The following TRAPPC6A variants were observed in gnomAD, a reference collection of about 807,000 sequenced individuals.
TRAPPC6A encodes trafficking protein particle complex subunit 6A, also known as TRAPP complex subunit 6A.
Under a neutral mutation model 20.8 loss-of-function variants are expected in TRAPPC6A, and 25 were observed. The observed-to-expected ratio is 1.20, with a 90% CI of 0.88 to 1.68. The LOEUF (loss-of-function observed/expected upper bound fraction) is 1.68, where lower values mean the gene tolerates loss of function less well. Among genes scored for constraint, TRAPPC6A ranks in the 40% most tolerant of loss-of-function variants. TRAPPC6A has a pLI of 0.00. For missense variants in TRAPPC6A, 215 were observed against 211.6 expected, an observed-to-expected ratio of 1.02 and a Z score of -0.10; for synonymous variants, 96 against 93.3, an observed-to-expected ratio of 1.03 and a Z score of -0.16.
At chr19:45,171,127 C>A (rs1969259205) in intron 1 of TRAPPC6A, among the ~76,000 whole-genome samples, 1 of 152,184 alleles carries the variant, frequency 6.6e-6, no homozygotes, top group Non-Finnish European at 1.5e-5. Context: ...CATGGCAAAA[C>A]CCTGTCTCTA....
In TRAPPC6A at chr19:45,163,977, G is replaced by A. The variant is rs752386950; in HGVS notation, c.387C>T (p.Gly129=). Residue 129 remains glycine (G), a synonymous_variant, in exon 5 of 6, where the codon GGC becomes GGT. Coordinates refer to ENST00000585934, the MANE Select transcript of TRAPPC6A (RefSeq NM_001270891.2). This position sits in a 1 kb window ranked among gnomAD's most constrained non-coding sequence, Gnocchi z 5.3. ...TCTCAATGCCCAGGGTATAGAGGGC[G>A]CCGCGCAGGAGGCCGCAGGTGAAGG... The part of the protein sequence containing the change: ...FLAFTCGLLR[G]ALYTLGIESV... 13 of 1,579,462 alleles carry A rather than the reference G, an allele frequency of 8.2e-6. No individual in the cohort carries two copies. The Admixed American group carries it at 9.4e-5, about 11-fold the overall frequency.
Position 45,173,464 on chromosome 19 carries a change from G to A in TRAPPC6A, c.84+4671C>T, listed in dbSNP as rs959066027. On this transcript the variant is annotated intron_variant, in intron 1 of 5. Transcript: ENST00000585934. The surrounding 1 kb of genome is among the most constrained non-coding windows in gnomAD (Gnocchi z 4.8). ...GAAGCTGGTGGGAAAGGCGGCCTGC[G>A]CTACCCAGAAGCCCTGGGGCCAGAA... Among the ~76,000 whole-genome samples the A allele has an allele frequency of 3.3e-5, 5 of 152,212 alleles. No individual in the cohort carries two copies. Among genetic ancestry groups the A allele is most frequent in the African/African-American group, 4.8e-5 (2 of 41,450 alleles).
Position 45,173,697 on chromosome 19 carries a change from G to A in TRAPPC6A, c.84+4438C>T, listed in dbSNP as rs1463946868. Among the ~76,000 whole-genome samples the A allele has an allele frequency of 1.3e-5, 2 of 152,192 alleles. No individual in the cohort carries two copies. The highest frequency in any genetic ancestry group is 6.5e-5 in the Admixed American group (1 of 15,278). The stretch of plus-strand genomic sequence containing the variant: ...CCCTTTTGGGCCAAAGAGAAGGAAT[G>A]GAGAGAGGAGGTGGGGCCAATAAAG... On this transcript the variant is annotated intron_variant, in intron 1 of 5. Coordinates refer to ENST00000585934, the MANE Select transcript of TRAPPC6A (RefSeq NM_001270891.2). The surrounding 1 kb of genome is among the most constrained non-coding windows in gnomAD (Gnocchi z 4.8).
rs777506899 is a variant in TRAPPC6A at position 45,165,008 on chromosome 19, G to A, written c.153-38C>T. ...TACCAAGCTGAGGCCGTGGGGCCAGGCCAGGAAGAGGGAGGAAGACAGGCC... is the reference window on the plus strand; with the variant it reads ...TACCAAGCTGAGGCCGTGGGGCCAGACCAGGAAGAGGGAGGAAGACAGGCC... On this transcript the variant is annotated intron_variant, in intron 2 of 5. Transcript: ENST00000585934. The A allele has an allele frequency of 1.9e-6, 3 of 1,611,106 alleles. No individual in the cohort carries two copies. The South Asian group carries it at 3.3e-5, about 18-fold the overall frequency.
At position 45,164,978 on chromosome 19, in the gene TRAPPC6A, G is replaced by C. The variant is rs1165122974; in HGVS notation, c.153-8C>G. ...AGCGTCTCCCGGGGCAGCCTGGTGG[G>C]GCAGTACCAAGCTGAGGCCGTGGGG... On this transcript the variant is annotated splice_polypyrimidine_tract_variant and splice_region_variant and intron_variant, in intron 2 of 5. Transcript: ENST00000585934. The C allele has an allele frequency of 6.2e-7, 1 of 1,613,658 alleles. No individual in the cohort carries two copies. The highest frequency in any genetic ancestry group is 1.7e-5 in the Admixed American group (1 of 60,030).
At chr19:45,164,142 A>G in intron 4 of TRAPPC6A, 22 bp downstream of exon 4, 1 of 1,583,904 alleles carries the variant, frequency 6.3e-7, no homozygotes, top group East Asian at 2.3e-5. Flanking sequence ...AGGTGTGGAC[A>G]AGGCCCCAGC....
rs773300307 is a variant in TRAPPC6A, at chr19:45,165,132, G to A, written c.147C>T (p.Gly49=). ...GMGFRVGQAL[G]ERLPRETLAF... is the part of the protein sequence containing the mutation. ...GCAGGAGGGGCCGCGCTCACCTCTCGCCTAGAGCCTGGCCCACACGGAACC... is the reference window on the plus strand; with the variant it reads ...GCAGGAGGGGCCGCGCTCACCTCTCACCTAGAGCCTGGCCCACACGGAACC... Residue 49 remains glycine (G), a synonymous_variant, in exon 2 of 6, where the codon GGC becomes GGT. Coordinates refer to ENST00000585934, the MANE Select transcript of TRAPPC6A (RefSeq NM_001270891.2). 1.6e-5 allele frequency: 26 copies of A among 1,611,658 alleles called. 2 individuals carry two copies. Among genetic ancestry groups the A allele is most frequent in the South Asian group, 7.7e-5 (7 of 90,740 alleles).
At chr19:45,177,836 T>C (rs753882880) in intron 1 of TRAPPC6A, among the ~76,000 whole-genome samples, 5 of 152,130 alleles carry the variant, frequency 3.3e-5, no homozygotes, top group African/African-American at 4.8e-5. Context: ...GCACACCTAG[T>C]AAGTGGGGGA....
chr19:45,172,060 T>C lies in TRAPPC6A; in HGVS notation c.84+6075A>G, dbSNP rs1275590332. ...TTCTCCTCCTTAGAGAACAAAGGCC[T>C]TCCTGGCCCCTCTGGCCGGTCCTCC... On this transcript the variant is annotated intron_variant, in intron 1 of 5. Transcript: ENST00000585934. The surrounding 1 kb of genome is among the most constrained non-coding windows in gnomAD (Gnocchi z 4.2). 6.6e-6 allele frequency among the ~76,000 whole-genome samples: 1 copy of C among 151,908 alleles called. No homozygotes were observed. Among genetic ancestry groups the C allele is most frequent in the Non-Finnish European group, 1.5e-5 (1 of 67,944 alleles).
intron 1 of TRAPPC6A, among the ~76,000 whole-genome samples, chr19:45,176,321 G>A (rs958082452): frequency 3.3e-5 from 5 of 151,348 alleles, no homozygotes; most frequent in Admixed American, 1.3e-4. Flanking sequence ...AAAATTAGCC[G>A]GGTGTGGTGG....
chr19:45,177,583 C>A (rs1049048791), intron 1 of TRAPPC6A, among the ~76,000 whole-genome samples: 2 of 152,116 alleles, frequency 1.3e-5, no homozygotes, highest in African/African-American at 4.8e-5. Context: ...ACGGCCTCGG[C>A]CTCCCAAAGT....
Position 45,163,306 on chromosome 19 carries a change from CGTCCTGCACTGACACCCCA to C in TRAPPC6A, c.449-102_449-84del. 1.4e-6 allele frequency: 2 copies of C among 1,466,814 alleles called. No individual in the cohort carries two copies. The highest frequency in any genetic ancestry group is 1.9e-6 in the Non-Finnish European group (2 of 1,056,640). 90.9% of individuals were successfully genotyped at this position (1,466,814 alleles called of 1,614,324 possible). Reference sequence around the variant, plus strand: ...TGGACGGCTCTTAGGCGCTCACCCCCGTCCTGCACTGACACCCCAGTGGCTAGGTTGGGCTGTTTCCTCC... The same window carrying C: ...TGGACGGCTCTTAGGCGCTCACCCCCGTGGCTAGGTTGGGCTGTTTCCTCC... On this transcript the variant is annotated intron_variant, in intron 5 of 5. Coordinates refer to ENST00000585934, the MANE Select transcript of TRAPPC6A (RefSeq NM_001270891.2). The surrounding 1 kb of genome is among the most constrained non-coding windows in gnomAD (Gnocchi z 5.3).
rs1036568045 is a variant in TRAPPC6A at position 45,163,010 on chromosome 19, C to T, written c.*182G>A. The T allele has an allele frequency of 2.5e-5, 15 of 608,572 alleles. No homozygotes were observed. The highest frequency in any genetic ancestry group is 1.2e-4 in the East Asian group (4 of 32,142). The allele number at this position is 608,572 out of a possible 1,614,324, so 37.7% of individuals were successfully genotyped here. On this transcript the variant is annotated 3_prime_UTR_variant, in exon 6 of 6. Coordinates refer to ENST00000585934, the MANE Select transcript of TRAPPC6A (RefSeq NM_001270891.2). This position sits in a 1 kb window ranked among gnomAD's most constrained non-coding sequence, Gnocchi z 5.3. ...GCGGGAATCCCACCACAGTCCTGAC[C>T]GCAGCTGGGACCCCTTTGCCTCCTC...
In TRAPPC6A at chr19:45,178,203, A is replaced by C. The variant is rs1452683169; in HGVS notation, c.16T>G (p.Leu6Val). ...ATCTCCGTGTGAAGAAACTCAAACA[A>C]CACAGTATCCGCCATGCCCCCTCCT... MADTV[L>V]FEFLHTEMVA... Residue 6 changes from leucine to valine, a missense_variant, in exon 1 of 6, where the codon TTG becomes GTG. Coordinates refer to ENST00000585934, the MANE Select transcript of TRAPPC6A (RefSeq NM_001270891.2). The C allele has an allele frequency of 1.2e-6, 2 of 1,608,180 alleles. No homozygotes were observed. The highest frequency in any genetic ancestry group is 1.7e-5 in the Admixed American group (1 of 59,664).
chr19:45,164,312 A>C, intron 3 of TRAPPC6A, 65 bp from the exon 4 acceptor site: 2 of 1,093,042 alleles, frequency 1.8e-6, no homozygotes, highest in Non-Finnish European at 2.6e-6. Context: ...AGGGAGGGTA[A>C]GCAGGAACCC....
rs1030927591 is a variant in TRAPPC6A at position 45,172,528 on chromosome 19, C to T, written c.84+5607G>A. Among the ~76,000 whole-genome samples, 1 of 151,522 alleles carries T rather than the reference C, an allele frequency of 6.6e-6. No individual in the cohort carries two copies. On this transcript the variant is annotated intron_variant, in intron 1 of 5. Coordinates refer to ENST00000585934, the MANE Select transcript of TRAPPC6A (RefSeq NM_001270891.2). The surrounding 1 kb of genome is among the most constrained non-coding windows in gnomAD (Gnocchi z 4.2). Reference sequence around the variant, plus strand: ...GGTGGGGAACCCAGGGAAGGAGCAGCCCTGGTTAAGAAAAGCACACAGACA... The same window carrying T: ...GGTGGGGAACCCAGGGAAGGAGCAGTCCTGGTTAAGAAAAGCACACAGACA...
chr19:45,163,472 G>GGGGGCCCCGGGGGCCCCCATGAGT lies in TRAPPC6A; in HGVS notation c.449-273_449-250dup, dbSNP rs1969059178. The stretch of plus-strand genomic sequence containing the variant: ...TATGCATTGCTCGGTCCTACCCCAC[G>GGGGGCCCCGGGGGCCCCCATGAGT]GGGGCCCCGGGGGCCCCCATGAGTG... On this transcript the variant is annotated intron_variant, in intron 5 of 5. Coordinates refer to ENST00000585934, the MANE Select transcript of TRAPPC6A (RefSeq NM_001270891.2). The surrounding 1 kb of genome is among the most constrained non-coding windows in gnomAD (Gnocchi z 5.3). 6.6e-6 allele frequency among the ~76,000 whole-genome samples: 1 copy of GGGGGCCCCGGGGGCCCCCATGAGT among 151,988 alleles called. No homozygotes were observed. The highest frequency in any genetic ancestry group is 1.5e-5 in the Non-Finnish European group (1 of 67,970).
At position 45,172,553 on chromosome 19, in the gene TRAPPC6A, A is replaced by C. The variant is rs1188068898; in HGVS notation, c.84+5582T>G. Among the ~76,000 whole-genome samples the C allele has an allele frequency of 6.6e-6, 1 of 151,660 alleles. No homozygotes were observed. The highest frequency in any genetic ancestry group is 6.6e-5 in the Admixed American group (1 of 15,260). On this transcript the variant is annotated intron_variant, in intron 1 of 5. Coordinates refer to ENST00000585934, the MANE Select transcript of TRAPPC6A (RefSeq NM_001270891.2). This position sits in a 1 kb window ranked among gnomAD's most constrained non-coding sequence, Gnocchi z 4.2. Reference sequence around the variant, plus strand: ...CCCTGGTTAAGAAAAGCACACAGACAGAAGTGCTGGCACACAGATGGGTGA... The same window carrying C: ...CCCTGGTTAAGAAAAGCACACAGACCGAAGTGCTGGCACACAGATGGGTGA...
At chr19:45,171,583 C>T (rs1969269776) in intron 1 of TRAPPC6A, among the ~76,000 whole-genome samples, 1 of 151,030 alleles carries the variant, frequency 6.6e-6, no homozygotes. Context: ...AAAATCAACA[C>T]TTTTTAACAA....
Sources: gnomAD v4.1 joint callset for allele counts (sites outside exome capture counted in the v4.1 genomes callset) on GRCh38, gnomAD v4.1.1 for gene constraint, Gnocchi (gnomAD v3.1) non-coding constraint, MANE v1.5 for transcripts, NCBI Gene and HGNC (gene_info 2026-07-23, HGNC 2026-07-21) for gene names.